The following TNKS2 variants were observed in gnomAD, a reference collection of about 807,000 sequenced individuals.
The protein encoded by TNKS2 is poly [ADP-ribose] polymerase tankyrase-2.
TNKS2 carries 72 observed loss-of-function variants against 137.6 expected under a neutral mutation model. The observed-to-expected ratio is 0.52, with a 90% CI of 0.43 to 0.64. The LOEUF is 0.64. Ranked by LOEUF, TNKS2 falls within the 30% of genes least tolerant of loss-of-function variation. TNKS2 has a pLI of 0.00. For missense variants in TNKS2, 1,049 were observed against 1,410.2 expected, an observed-to-expected ratio of 0.74 and a Z score of 4.10; for synonymous variants, 516 against 512.1, an observed-to-expected ratio of 1.01 and a Z score of -0.10.
chr10:91,830,999 A>G lies in TNKS2; in HGVS notation c.1181A>G (p.Asn394Ser). Reference sequence around the variant, plus strand: ...TTGCTAAGAAAAGGAGCAAACATCAATGAAAAGACTAAAGAGTAAGTATAC... The same window carrying G: ...TTGCTAAGAAAAGGAGCAAACATCAGTGAAAAGACTAAAGAGTAAGTATAC... Reference protein sequence around the residue: ...ELLLRKGANINEKTKEFLTPL... With the variant: ...ELLLRKGANISEKTKEFLTPL... Residue 394 changes from asparagine to serine, a missense_variant, in exon 10 of 27, where the codon AAT (asparagine) becomes AGT (serine). Physicochemically the swap from Asn to Ser is conservative, Grantham distance 46. Coordinates refer to ENST00000371627, the MANE Select transcript of TNKS2 (RefSeq NM_025235.4). The G allele has an allele frequency of 1.2e-6, 2 of 1,612,856 alleles. No homozygotes were observed. Among genetic ancestry groups the G allele is most frequent in the South Asian group, 1.1e-5 (1 of 91,000 alleles).
At chr10:91,807,414 T>C in intron 1 of TNKS2, 1 of 1,613,926 alleles carries the variant, frequency 6.2e-7, no homozygotes, top group Non-Finnish European at 8.5e-7. Flanking sequence ...GCGGCTGAAC[T>C]CCTCCCAGGT....
intron 12 of TNKS2, among the ~76,000 whole-genome samples, chr10:91,835,197 A>G (rs1282236857): frequency 2.9e-5 from 2 of 69,886 alleles, no homozygotes; most frequent in African/African-American, 4.3e-5. Flanking sequence ...TAGCAGATGG[A>G]AAAAAAATGA....
intron 19 of TNKS2, 67 bp downstream of exon 19, chr10:91,848,702 T>C (rs1842456477): frequency 6.4e-7 from 1 of 1,553,784 alleles, no homozygotes; most frequent in South Asian, 1.2e-5. Context: ...TTTGGGATGC[T>C]AAAAAGTCAT....
rs895797362 is a variant in TNKS2 at position 91,798,501 on chromosome 10, G to T, written c.-190G>T. On this transcript the variant is annotated 5_prime_UTR_variant, in exon 1 of 27. Transcript: ENST00000371627. ...CTCCGCCGCCGCGGGGCAGCCGGGG[G>T]GCAGGGAGCCCAGCGAGGGGCGCGC... is the stretch of plus-strand genomic sequence containing the variant. The T allele has an allele frequency of 1.8e-6, 1 of 546,002 alleles. No homozygotes were observed. The highest frequency in any genetic ancestry group is 4.8e-5 in the Admixed American group (1 of 20,662). 33.8% of individuals were successfully genotyped at this position (546,002 alleles called of 1,614,324 possible).
chr10:91,829,870 T>C (rs1845184540), intron 9 of TNKS2, among the ~76,000 whole-genome samples: 1 of 152,240 alleles, frequency 6.6e-6, no homozygotes. Context: ...CCAGAACTTT[T>C]ATTCTATAGG....
In TNKS2 at chr10:91,831,187, C is replaced by T. The variant is rs1845234740; in HGVS notation, c.1275+6C>T. On this transcript the variant is annotated splice_donor_region_variant and intron_variant, in intron 11 of 26. Transcript: ENST00000371627. ...TGGTGAAACATGAAGCAAAGGTATA[C>T]TTCCTTTTTGGTAATCTTTGGTAAT... is the stretch of plus-strand genomic sequence containing the variant. 1 of 1,612,542 alleles carries T rather than the reference C, an allele frequency of 6.2e-7. No homozygotes were observed. Among genetic ancestry groups the T allele is most frequent in the Non-Finnish European group, 8.5e-7 (1 of 1,178,960 alleles).
chr10:91,836,118 C>T (rs958348763), intron 12 of TNKS2, among the ~76,000 whole-genome samples: 1 of 141,870 alleles, frequency 7.0e-6, no homozygotes, highest in African/African-American at 2.6e-5. Context: ...TCTTGGCTCA[C>T]TGTAGCCTCA....
Position 91,816,318 on chromosome 10 carries a change from AG to A in TNKS2, c.425-813del, listed in dbSNP as rs1470667886. Among the ~76,000 whole-genome samples the A allele has an allele frequency of 3.3e-5, 5 of 152,310 alleles. No homozygotes were observed. The East Asian group carries it at 5.8e-4, about 18-fold the overall frequency. ...GATTTGGGGTAGGTTGGCCCTACTA[AG>A]GGTATTTGGATTTTAACTTAAAATT... is the stretch of plus-strand genomic sequence containing the variant. On this transcript the variant is annotated intron_variant, in intron 2 of 26. Coordinates refer to ENST00000371627, the MANE Select transcript of TNKS2 (RefSeq NM_025235.4).
intron 7 of TNKS2, among the ~76,000 whole-genome samples, 177 bp from the exon 8 acceptor site, chr10:91,826,840 A>G (rs1404484189): frequency 1.3e-5 from 2 of 152,248 alleles, no homozygotes; most frequent in East Asian, 1.9e-4. Context: ...AGGGCTAGCA[A>G]TCAGCTACTG....
Position 91,822,807 on chromosome 10 carries a change from C to T in TNKS2, c.795+445C>T, listed in dbSNP as rs1844938755. On this transcript the variant is annotated intron_variant, in intron 7 of 26. Coordinates refer to ENST00000371627, the MANE Select transcript of TNKS2 (RefSeq NM_025235.4). ...TCCTGACCTCAAGTGATCCACCTGC[C>T]TCGGCCTCCCAAAGTGCTGGGATTA... is the stretch of plus-strand genomic sequence containing the variant. 5.3e-5 allele frequency among the ~76,000 whole-genome samples: 8 copies of T among 152,210 alleles called. No homozygotes were observed. The South Asian group carries it at 1.7e-3, about 32-fold the overall frequency.
chr10:91,826,015 A>G (rs1845057507), intron 7 of TNKS2, among the ~76,000 whole-genome samples: 1 of 152,248 alleles, frequency 6.6e-6, no homozygotes, highest in Non-Finnish European at 1.5e-5. Context: ...TTGAGTATCC[A>G]TTATCTGAAA....
intron 1 of TNKS2, among the ~76,000 whole-genome samples, chr10:91,808,563 A>G (rs187021604): frequency 1.1e-4 from 17 of 152,320 alleles, no homozygotes; most frequent in Admixed American, 8.5e-4. Flanking sequence ...TTTAGGGGAG[A>G]CATTGCAGGA....
chr10:91,843,577 A>G (rs1007222346), intron 16 of TNKS2, among the ~76,000 whole-genome samples: 2 of 152,114 alleles, frequency 1.3e-5, no homozygotes, highest in Admixed American at 6.5e-5. Context: ...GGCACAGTGT[A>G]CCTTTGTTTT....
intron 13 of TNKS2, among the ~76,000 whole-genome samples, chr10:91,837,914 C>T (rs1479692694): frequency 6.6e-6 from 1 of 151,426 alleles, no homozygotes; most frequent in African/African-American, 2.4e-5. Context: ...AATAGGATAT[C>T]GAAAGGAGGA....
intron 13 of TNKS2, among the ~76,000 whole-genome samples, chr10:91,840,295 G>A (rs1172404148): frequency 6.6e-6 from 1 of 152,086 alleles, no homozygotes; most frequent in Non-Finnish European, 1.5e-5. Flanking sequence ...AACTGAGATT[G>A]CGCCACTGCA....
At chr10:91,804,863 TCTC>T (rs1350070839) in intron 1 of TNKS2, among the ~76,000 whole-genome samples, 2 of 152,076 alleles carry the variant, frequency 1.3e-5, no homozygotes, top group African/African-American at 4.8e-5. Flanking sequence ...TTCAAGCAAT[TCTC>T]CTGCCTCCTG....
Position 91,862,152 on chromosome 10 carries a change from A to G in TNKS2, c.3435A>G (p.Glu1145=), listed in dbSNP as rs1842869000. 1 of 1,591,518 alleles carries G rather than the reference A, an allele frequency of 6.3e-7. No homozygotes were observed. Among genetic ancestry groups the G allele is most frequent in the Non-Finnish European group, 8.5e-7 (1 of 1,170,606 alleles). Residue 1145 remains glutamate (E), a synonymous_variant, in exon 26 of 27, where the codon GAA becomes GAG. Transcript: ENST00000371627. Reference sequence around the variant, plus strand: ...CTGAATATGTTATTTACAGAGGAGAACAGGTAATGTAGTTTTATTTGTTCA... The same window carrying G: ...CTGAATATGTTATTTACAGAGGAGAGCAGGTAATGTAGTTTTATTTGTTCA... ...ALAEYVIYRG[E]QAYPEYLITY...
chr10:91,841,308 T>A lies in TNKS2; in HGVS notation c.1699T>A (p.Cys567Ser). ...AGGCCTTGTACCTTTGCACAATGCA[T>A]GTTCTTATGGACATTATGAAGTTGC... ...KGGLVPLHNA[C>S]SYGHYEVAEL... Residue 567 changes from cysteine to serine, a missense_variant, in exon 15 of 27, where the codon TGT becomes AGT. Cys to Ser is a moderately radical substitution (Grantham distance 112). Around this residue, in one of 6 missense-constraint regions of TNKS2, gnomAD observed 328 missense variants for 436.0 expected, o/e 0.75. Transcript: ENST00000371627. 6.3e-7 allele frequency: 1 copy of A among 1,592,812 alleles called. No homozygotes were observed. The highest frequency in any genetic ancestry group is 8.5e-7 in the Non-Finnish European group (1 of 1,170,798).
intron 12 of TNKS2, among the ~76,000 whole-genome samples, chr10:91,834,995 T>C (rs925113082): frequency 1.3e-5 from 2 of 152,232 alleles, no homozygotes; most frequent in Admixed American, 1.3e-4. Flanking sequence ...TTATCTTCTG[T>C]TAATAGAAAG....
Sources: gnomAD v4.1 joint callset for allele counts (sites outside exome capture counted in the v4.1 genomes callset) on GRCh38, gnomAD v4.1.1 for gene constraint, gnomAD v4.1.1 regional missense constraint, MANE v1.5 for transcripts, NCBI Gene and HGNC (gene_info 2026-07-23, HGNC 2026-07-21) for gene names.